Variants in CNTN3 observed in about 807,000 individuals in gnomAD.
CNTN3 encodes the protein contactin 3, also known as contactin-3.
CNTN3 carries 60 observed loss-of-function variants against 119.1 expected under a neutral mutation model. The observed-to-expected ratio is 0.50, with a 90% CI of 0.41 to 0.62. CNTN3 has a LOEUF of 0.62. Among genes scored for constraint, CNTN3 ranks in the 20% least tolerant of loss-of-function variants. The pLI is 0.00. For missense variants in CNTN3, 1,101 were observed against 1,242.4 expected (o/e 0.89, Z 1.71); for synonymous variants, 450 against 438.7 (o/e 1.03, Z -0.32).
chr3:74,528,380 G>A (rs11706292), intron 1 of CNTN3, among the ~76,000 whole-genome samples: 1,574 of 151,986 alleles, frequency 0.01, 12 homozygotes, highest in Non-Finnish European at 0.017. Context: ...AAATAGTAAT[G>A]TAATAATACT....
intron 19 of CNTN3, among the ~76,000 whole-genome samples, chr3:74,290,695 C>CT (rs960985235): frequency 2.6e-5 from 4 of 151,838 alleles, no homozygotes; most frequent in Admixed American, 6.6e-5. Context: ...CATTTATTTT[C>CT]TTTTTTTCTT....
At chr3:74,450,575 A>G (rs1241517439) in intron 4 of CNTN3, among the ~76,000 whole-genome samples, 1 of 148,260 alleles carries the variant, frequency 6.7e-6, no homozygotes, top group African/African-American at 2.5e-5. Flanking sequence ...GGTTAGTTAC[A>G]TATGTATACA....
intron 4 of CNTN3, among the ~76,000 whole-genome samples, chr3:74,465,017 C>T (rs1004492102): frequency 2.6e-5 from 4 of 152,056 alleles, no homozygotes; most frequent in Non-Finnish European, 5.9e-5. Flanking sequence ...AAACAAAATC[C>T]ACAGGGAAAA....
intron 11 of CNTN3, among the ~76,000 whole-genome samples, chr3:74,352,594 C>T (rs927285190): frequency 2.0e-5 from 3 of 152,154 alleles, no homozygotes; most frequent in African/African-American, 4.8e-5. Context: ...GGCTTTTTGA[C>T]GGCTCCTTGA....
At chr3:74,447,339 T>C (rs1280638502) in intron 4 of CNTN3, among the ~76,000 whole-genome samples, 1 of 152,108 alleles carries the variant, frequency 6.6e-6, no homozygotes, top group Non-Finnish European at 1.5e-5. Context: ...CCTTTTCTCT[T>C]CCCACTCTCC....
chr3:74,388,671 T>G (rs1704817844), intron 5 of CNTN3, among the ~76,000 whole-genome samples: 1 of 152,146 alleles, frequency 6.6e-6, no homozygotes, highest in Non-Finnish European at 1.5e-5. Context: ...CAATATACCC[T>G]ACCCTTTTTT....
At position 74,364,480 on chromosome 3, in the gene CNTN3, C is replaced by T. The variant is rs752271457; in HGVS notation, c.1200G>A (p.Glu400=). 2 of 1,611,620 alleles carry T rather than the reference C, an allele frequency of 1.2e-6. No homozygotes were observed. Among genetic ancestry groups the T allele is most frequent in the African/African-American group, 1.3e-5 (1 of 74,812 alleles). Residue 400 remains glutamate, a synonymous_variant, in exon 10 of 23, where the codon GAG becomes GAA. Transcript: ENST00000263665. ...AATCAGCCTTACCAACAACTTTGAGCTCAGCACTGGAATAAACAAGGCCAT... is the reference window on the plus strand; with the variant it reads ...AATCAGCCTTACCAACAACTTTGAGTTCAGCACTGGAATAAACAAGGCCAT... ...NKHGLVYSSA[E]LKVVASAPDF... is the part of the protein sequence containing the mutation.
chr3:74,379,427 C>T (rs1575672740), intron 5 of CNTN3, among the ~76,000 whole-genome samples: 1 of 152,106 alleles, frequency 6.6e-6, no homozygotes, highest in African/African-American at 2.4e-5. Context: ...ATTTTTAATG[C>T]TTCTTCCAGG....
At chr3:74,564,007 C>T (rs992378946) in intron 1 of CNTN3, among the ~76,000 whole-genome samples, 5 of 152,042 alleles carry the variant, frequency 3.3e-5, no homozygotes, top group Non-Finnish European at 7.4e-5. Context: ...GCAATAAGCC[C>T]AATGGATAGG....
At chr3:74,386,369 A>G (rs933062142) in intron 5 of CNTN3, among the ~76,000 whole-genome samples, 3 of 152,176 alleles carry the variant, frequency 2.0e-5, no homozygotes, top group African/African-American at 7.2e-5. Flanking sequence ...CTGTAATCCC[A>G]GCACACTGGG....
intron 4 of CNTN3, among the ~76,000 whole-genome samples, chr3:74,443,388 C>T (rs1218404614): frequency 3.9e-5 from 6 of 152,168 alleles, no homozygotes; most frequent in African/African-American, 1.4e-4. Flanking sequence ...TCCTCCTGAC[C>T]AGTCTCATAT....
At chr3:74,563,311 C>G (rs558168978) in intron 1 of CNTN3, among the ~76,000 whole-genome samples, 1 of 152,090 alleles carries the variant, frequency 6.6e-6, no homozygotes, top group Non-Finnish European at 1.5e-5. Context: ...ATTGTGGAAG[C>G]TAAAACACAG....
intron 10 of CNTN3, 34 bp downstream of exon 10, chr3:74,364,433 A>C: frequency 6.3e-7 from 1 of 1,589,898 alleles, no homozygotes; most frequent in Non-Finnish European, 8.6e-7. Context: ...TTAAGACAAA[A>C]AATTAAGAGA....
At chr3:74,562,825 A>T (rs1423065723) in intron 1 of CNTN3, among the ~76,000 whole-genome samples, 1 of 152,098 alleles carries the variant, frequency 6.6e-6, no homozygotes, top group Admixed American at 6.6e-5. Context: ...CAGAAGAAAA[A>T]AAAAAATACT....
chr3:74,280,588 T>A (rs890935626), intron 20 of CNTN3, among the ~76,000 whole-genome samples: 1 of 152,202 alleles, frequency 6.6e-6, no homozygotes, highest in Admixed American at 6.5e-5. Flanking sequence ...TGGCAATCTT[T>A]CTGCCACGAA....
chr3:74,531,511 A>C (rs1334443549), intron 1 of CNTN3, among the ~76,000 whole-genome samples: 1 of 151,972 alleles, frequency 6.6e-6, no homozygotes, highest in Non-Finnish European at 1.5e-5. Flanking sequence ...CTTACCTAGG[A>C]GATAAGGAAA....
chr3:74,338,306 G>C (rs981659674), intron 11 of CNTN3, among the ~76,000 whole-genome samples: 7 of 151,698 alleles, frequency 4.6e-5, no homozygotes, highest in African/African-American at 1.7e-4. Context: ...AAATTTTTAG[G>C]TGTGTTTCAA....
At chr3:74,578,541 C>A (rs1041101333) in intron 1 of CNTN3, among the ~76,000 whole-genome samples, 3 of 151,964 alleles carry the variant, frequency 2.0e-5, no homozygotes, top group African/African-American at 7.2e-5. Context: ...ATATTATTAA[C>A]CCTCAGACTA....
chr3:74,536,675 C>A (rs1270195434), intron 1 of CNTN3, among the ~76,000 whole-genome samples: 1 of 152,096 alleles, frequency 6.6e-6, no homozygotes, highest in Non-Finnish European at 1.5e-5. Context: ...TTACTTCCTG[C>A]TTACTTAGAC....
Sources: allele counts gnomAD v4.1 joint callset (sites outside exome capture counted in the v4.1 genomes callset), GRCh38; gene constraint gnomAD v4.1.1; transcripts MANE v1.5; gene names NCBI Gene and HGNC (gene_info 2026-07-23, HGNC 2026-07-21).